Variants in ENOX1 observed in about 807,000 individuals in gnomAD.
ENOX1 encodes candidate growth-related and time keeping constitutive hydroquinone (NADH) oxidase.
Under a neutral mutation model 82.5 loss-of-function variants are expected in ENOX1, and 42 were observed. The observed-to-expected ratio is 0.51, with a 90% confidence interval of 0.40 to 0.66. The LOEUF (loss-of-function observed/expected upper bound fraction) is 0.66, where lower values mean the gene tolerates loss of function less well. ENOX1 is among the 30% of genes least tolerant of loss of function. ENOX1 has a pLI of 0.00. For synonymous variants in ENOX1, 271 were observed against 282.2 expected (o/e 0.96, Z 0.40); for missense variants, 608 against 811.6 (o/e 0.75, Z 3.05).
intron 2 of ENOX1, among the ~76,000 whole-genome samples, chr13:43,570,975 A>G (rs931504643): frequency 2.6e-5 from 4 of 152,136 alleles, no homozygotes; most frequent in Admixed American, 1.3e-4. Flanking sequence ...AAGAACATCA[A>G]CTCCACCAGA....
Position 43,380,772 on chromosome 13 carries a change from G to A in ENOX1, c.209-19320C>T, listed in dbSNP as rs573515134. ...TGGAAAGGGGGCATGCTAATATTAG[G>A]AAAAGTGAATTTCAGATAAAAAATA... On this transcript the variant is annotated intron_variant, in intron 5 of 16. Transcript: ENST00000690772. Among the ~76,000 whole-genome samples the A allele has an allele frequency of 2.0e-5, 3 of 151,718 alleles. No individual in the cohort carries two copies. The South Asian group carries it at 6.2e-4, about 32-fold the overall frequency.
At chr13:43,525,256 T>C (rs1402779207) in intron 2 of ENOX1, among the ~76,000 whole-genome samples, 1 of 152,084 alleles carries the variant, frequency 6.6e-6, no homozygotes, top group Non-Finnish European at 1.5e-5. Context: ...CATGAGACAA[T>C]AACTCCCCAT....
chr13:43,245,379 C>T (rs2043033540), intron 14 of ENOX1, among the ~76,000 whole-genome samples: 1 of 152,122 alleles, frequency 6.6e-6, no homozygotes, highest in Non-Finnish European at 1.5e-5. Flanking sequence ...CAGCTTGGTA[C>T]AGACCATATA....
chr13:43,449,289 G>A (rs1053181891), intron 3 of ENOX1, among the ~76,000 whole-genome samples: 2 of 152,138 alleles, frequency 1.3e-5, no homozygotes, highest in Non-Finnish European at 2.9e-5. Flanking sequence ...GTCAAGGAGC[G>A]ATCAAACAAA....
chr13:43,513,674 G>A (rs2077455020), intron 2 of ENOX1, among the ~76,000 whole-genome samples: 1 of 151,972 alleles, frequency 6.6e-6, no homozygotes, highest in African/African-American at 2.4e-5. Context: ...GATAGGTCAG[G>A]CTTTATGACC....
chr13:43,628,169 A>G (rs2083050572), intron 2 of ENOX1, among the ~76,000 whole-genome samples: 2 of 152,030 alleles, frequency 1.3e-5, no homozygotes, highest in African/African-American at 4.8e-5. Flanking sequence ...TTCAGCCATT[A>G]TATCTTCAGG....
At chr13:43,500,638 G>A (rs1481705414) in intron 2 of ENOX1, among the ~76,000 whole-genome samples, 2 of 151,896 alleles carry the variant, frequency 1.3e-5, no homozygotes, top group African/African-American at 2.4e-5. Context: ...GAAAGTATAT[G>A]AAAATATAAA....
chr13:43,710,366 T>C (rs1250637122), intron 1 of ENOX1, among the ~76,000 whole-genome samples: 1 of 152,158 alleles, frequency 6.6e-6, no homozygotes, highest in Non-Finnish European at 1.5e-5. Flanking sequence ...AATCACTTGG[T>C]TATCTCAATA....
chr13:43,405,678 G>T (rs1357734998), intron 5 of ENOX1, among the ~76,000 whole-genome samples: 1 of 152,164 alleles, frequency 6.6e-6, no homozygotes, highest in Non-Finnish European at 1.5e-5. Context: ...ACAATGAAAT[G>T]TCTCATGAAT....
intron 2 of ENOX1, among the ~76,000 whole-genome samples, chr13:43,644,452 A>G (rs1331823705): frequency 5.3e-5 from 8 of 152,212 alleles, no homozygotes; most frequent in African/African-American, 1.9e-4. Flanking sequence ...TTTTTAAATG[A>G]CGACTTTAAT....
rs577875146 is a variant in ENOX1 at position 43,675,814 on chromosome 13, C to T, written c.-284-8270G>A. Among the ~76,000 whole-genome samples the T allele has an allele frequency of 1.5e-4, 23 of 152,264 alleles. No individual in the cohort carries two copies. In the East Asian group the frequency reaches 2.7e-3, roughly 18 times the overall value. On this transcript the variant is annotated intron_variant, in intron 1 of 16. Coordinates refer to ENST00000690772, the MANE Select transcript of ENOX1 (RefSeq NM_001347969.2). ...CATGTGGGGCACCCTGCAAGCACTG[C>T]GAGAGAACATTCTCGGATGAGGTAA...
chr13:43,222,462 T>C (rs1170858868), intron 16 of ENOX1, among the ~76,000 whole-genome samples: 1 of 151,856 alleles, frequency 6.6e-6, no homozygotes, highest in African/African-American at 2.4e-5. Context: ...GATGATGGAG[T>C]GGAGGAAACA....
intron 12 of ENOX1, among the ~76,000 whole-genome samples, chr13:43,275,826 G>T (rs2044991995): frequency 6.6e-6 from 1 of 152,114 alleles, no homozygotes. Context: ...ACATGTACAT[G>T]ATAACTAAGT....
chr13:43,710,229 A>C (rs2087598669), intron 1 of ENOX1, among the ~76,000 whole-genome samples: 1 of 152,176 alleles, frequency 6.6e-6, no homozygotes. Context: ...TCAGGATCAG[A>C]TAAAGTTTAT....
chr13:43,745,660 C>G (rs1949983428), intron 1 of ENOX1, among the ~76,000 whole-genome samples: 1 of 151,980 alleles, frequency 6.6e-6, no homozygotes, highest in Admixed American at 6.6e-5. Flanking sequence ...GCTGCTATAC[C>G]ACTGATATGG....
rs889522939 is a variant in ENOX1 at position 43,704,347 on chromosome 13, T to G, written c.-284-36803A>C. 2.6e-5 allele frequency among the ~76,000 whole-genome samples: 4 copies of G among 151,924 alleles called. No homozygotes were observed. In the East Asian group the frequency reaches 5.8e-4, roughly 22 times the overall value. On this transcript the variant is annotated intron_variant, in intron 1 of 16. Transcript: ENST00000690772. ...GTTCTGACTTCTAATAATGGTGGAG[T>G]AGCTTATAACAGACTAACACTTTGC...
chr13:43,779,058 T>A (rs189634014), intron 1 of ENOX1, among the ~76,000 whole-genome samples: 52 of 152,086 alleles, frequency 3.4e-4, no homozygotes, highest in East Asian at 1.9e-4. Context: ...CAACTCCTCC[T>A]CCATCAATCC....
Position 43,398,787 on chromosome 13 carries a change from C to T in ENOX1, c.208+13129G>A, listed in dbSNP as rs183528322. 1.9e-3 allele frequency among the ~76,000 whole-genome samples: 283 copies of T among 145,606 alleles called. 1 individual carries two copies. The highest frequency in any genetic ancestry group is 2.6e-3 in the Non-Finnish European group (177 of 67,578). ...TTGATGAATAGTAAATGTATTTTCCCTTATCATTTCTTCTTCTTTTTTTTT... is the reference window on the plus strand; with the variant it reads ...TTGATGAATAGTAAATGTATTTTCCTTTATCATTTCTTCTTCTTTTTTTTT... On this transcript the variant is annotated intron_variant, in intron 5 of 16. Coordinates refer to ENST00000690772, the MANE Select transcript of ENOX1 (RefSeq NM_001347969.2).
chr13:43,355,273 C>T (rs189941946), intron 8 of ENOX1, among the ~76,000 whole-genome samples: 53 of 152,252 alleles, frequency 3.5e-4, no homozygotes, highest in Admixed American at 3.9e-4. Context: ...CTTTATTTCC[C>T]ACAGCATAAA....
Sources: allele counts gnomAD v4.1 joint callset (sites outside exome capture counted in the v4.1 genomes callset), GRCh38; gene constraint gnomAD v4.1.1; transcripts MANE v1.5; gene names NCBI Gene and HGNC (gene_info 2026-07-23, HGNC 2026-07-21).